GPHN: variants seen among roughly 807,000 people sequenced by gnomAD.
GPHN encodes gephyrin.
In GPHN, 17 loss-of-function variants were observed where a neutral mutation model predicts 95.5. That is an observed-to-expected ratio of 0.18 (90% confidence interval 0.12 to 0.27). The LOEUF (loss-of-function observed/expected upper bound fraction) is 0.27. GPHN is among the 10% of genes least tolerant of loss of function. The pLI, the probability that GPHN is intolerant of heterozygous loss-of-function variation, is 1.00. For missense variants in GPHN, 660 were observed against 978.1 expected, an observed-to-expected ratio of 0.67 and a Z score of 4.34; for synonymous variants, 320 against 322.5, an observed-to-expected ratio of 0.99 and a Z score of 0.08.
At chr14:66,560,491 T>C (rs2060188269) in intron 1 of GPHN, among the ~76,000 whole-genome samples, 1 of 152,222 alleles carries the variant, frequency 6.6e-6, no homozygotes, top group African/African-American at 2.4e-5. Flanking sequence ...TATTTTATTC[T>C]CTTTGAAGCC....
intron 5 of GPHN, among the ~76,000 whole-genome samples, chr14:66,906,008 T>A (rs962435894): frequency 6.8e-5 from 10 of 147,392 alleles, no homozygotes; most frequent in South Asian, 2.1e-4. Context: ...TTTTTTTTTT[T>A]ACCACTTCCC....
chr14:67,278,744 T>C, the GPHN span, among the ~76,000 whole-genome samples: 1 of 152,338 alleles, frequency 6.6e-6, no homozygotes, highest in Admixed American at 6.5e-5. Flanking sequence ...TTTACTTTCC[T>C]ACTTTGCTAA....
the GPHN span, chr14:67,471,289 T>A: frequency 1.3e-5 from 2 of 151,754 alleles, no homozygotes; most frequent in Admixed American, 6.6e-5. Flanking sequence ...TATGGAGGCA[T>A]CAACAAGCTG....
At chr14:66,874,125 G>A (rs948361773) in intron 4 of GPHN, among the ~76,000 whole-genome samples, 5 of 152,178 alleles carry the variant, frequency 3.3e-5, no homozygotes, top group African/African-American at 1.2e-4. Context: ...GTCTAGAGTG[G>A]ACATCCAGCA....
intron 8 of GPHN, among the ~76,000 whole-genome samples, chr14:66,952,290 G>T (rs566956877): frequency 1.3e-5 from 2 of 152,132 alleles, no homozygotes; most frequent in South Asian, 4.1e-4. Context: ...CATACAATAT[G>T]TAACTCTTTA....
intron 5 of GPHN, among the ~76,000 whole-genome samples, chr14:66,914,708 T>G (rs2065825546): frequency 6.6e-6 from 1 of 152,084 alleles, no homozygotes; most frequent in Admixed American, 6.6e-5. Context: ...CTAGATTTGC[T>G]TACATGAAAA....
At chr14:67,058,419 T>C (rs893960805) in intron 10 of GPHN, among the ~76,000 whole-genome samples, 2 of 152,238 alleles carry the variant, frequency 1.3e-5, no homozygotes, top group African/African-American at 2.4e-5. Context: ...AGTCAGTTCA[T>C]TGAACATGTC....
chr14:66,574,543 A>G (rs944654858), intron 1 of GPHN, among the ~76,000 whole-genome samples: 1 of 152,102 alleles, frequency 6.6e-6, no homozygotes, highest in African/African-American at 2.4e-5. Context: ...TTTACTTTCA[A>G]CTAGATTTCT....
At chr14:66,607,882 C>T (rs2062613844) in intron 1 of GPHN, among the ~76,000 whole-genome samples, 2 of 151,738 alleles carry the variant, frequency 1.3e-5, no homozygotes, top group African/African-American at 4.8e-5. Context: ...TTGGATCTTC[C>T]CTTTTTCTCC....
chr14:66,691,060 G>A (rs1242246641), intron 2 of GPHN, among the ~76,000 whole-genome samples: 2 of 152,134 alleles, frequency 1.3e-5, no homozygotes, highest in South Asian at 4.1e-4. Context: ...ATTAAGTATA[G>A]GCTGGGTACA....
At chr14:67,305,108 T>C in the GPHN span, among the ~76,000 whole-genome samples, 1 of 152,178 alleles carries the variant, frequency 6.6e-6, no homozygotes, top group African/African-American at 2.4e-5. Flanking sequence ...CTCTGTGCAT[T>C]GTGCTGTTCC....
chr14:66,672,320 A>G (rs2066342857), intron 1 of GPHN, among the ~76,000 whole-genome samples: 1 of 152,144 alleles, frequency 6.6e-6, no homozygotes, highest in Admixed American at 6.5e-5. Flanking sequence ...TTTTGTGGTA[A>G]GATGTGAACG....
the GPHN span, among the ~76,000 whole-genome samples, chr14:67,608,604 T>C: frequency 2.6e-5 from 4 of 152,216 alleles, no homozygotes; most frequent in Non-Finnish European, 5.9e-5. Context: ...TGATGCCGAA[T>C]GAATCTGAAT....
At chr14:66,829,912 A>G (rs1265859309) in intron 4 of GPHN, among the ~76,000 whole-genome samples, 3 of 152,140 alleles carry the variant, frequency 2.0e-5, no homozygotes, top group Non-Finnish European at 4.4e-5. Flanking sequence ...CCAGGGAGCT[A>G]AGAATATATT....
At chr14:67,614,616 G>A in the GPHN span, among the ~76,000 whole-genome samples, 738 of 151,914 alleles carry the variant, frequency 4.9e-3, 36 homozygotes, top group East Asian at 0.082. Context: ...AAAAAAATTT[G>A]CTGGGTATGG....
chr14:67,101,849 A>ATTATTTATTTATTTAT (rs57643224), intron 13 of GPHN, among the ~76,000 whole-genome samples: 2 of 145,488 alleles, frequency 1.4e-5, no homozygotes, highest in African/African-American at 5.1e-5. Context: ...TGGTTTATGT[A>ATTATTTATTTATTTAT]TTATTTATTT....
At chr14:67,425,915 AT>A in the GPHN span, among the ~76,000 whole-genome samples, 17 of 147,942 alleles carry the variant, frequency 1.1e-4, no homozygotes, top group South Asian at 4.3e-4. Flanking sequence ...CAAAAAAAAA[AT>A]TTTTTTTTTT....
chr14:66,762,547 G>T (rs546997752), intron 2 of GPHN, among the ~76,000 whole-genome samples: 2 of 105,472 alleles, frequency 1.9e-5, no homozygotes, highest in African/African-American at 4.0e-5. Flanking sequence ...TTGCAGAGAA[G>T]TGTCACATAG....
chr14:67,095,966 C>CAAAAAAAAAAAAAAAAAAAAAAAAAGAA, intron 12 of GPHN, among the ~76,000 whole-genome samples: 2 of 67,084 alleles, frequency 3.0e-5, no homozygotes, highest in African/African-American at 4.4e-5. Context: ...AAGAAAAAGG[C>CAAAAAAAAAAAAAAAAAAAAAAAAAGAA]AAAAAAAAAA....
Sources: allele counts gnomAD v4.1 joint callset (sites outside exome capture counted in the v4.1 genomes callset), GRCh38; gene constraint gnomAD v4.1.1; transcripts MANE v1.5; gene names NCBI Gene and HGNC (gene_info 2026-07-23, HGNC 2026-07-21).